ANO9: variants seen among roughly 807,000 people sequenced by gnomAD.
ANO9 encodes the protein anoctamin 9.
ANO9 carries 80 observed loss-of-function variants against 100.5 expected under a neutral mutation model. That is an observed-to-expected ratio of 0.80 (90% confidence interval 0.66 to 0.96). The LOEUF (loss-of-function observed/expected upper bound fraction) is 0.96. Among genes scored for constraint, ANO9 ranks in the 40% least tolerant of loss-of-function variants. ANO9 has a pLI of 0.00. For missense variants in ANO9, 1,064 were observed against 1,072.7 expected (o/e 0.99, Z 0.11); for synonymous variants, 473 against 435.6 (o/e 1.09, Z -1.07).
rs780006061 is a variant in ANO9 at position 430,072 on chromosome 11, A to G, written c.771+11T>C. 1 of 1,549,242 alleles carries G rather than the reference A, an allele frequency of 6.5e-7. No individual in the cohort carries two copies. Among genetic ancestry groups the G allele is most frequent in the South Asian group, 1.2e-5 (1 of 83,942 alleles). On this transcript the variant is annotated intron_variant, in intron 9 of 22. Coordinates refer to ENST00000332826, the MANE Select transcript of ANO9 (RefSeq NM_001012302.3). ...TCCGCAGGCCCTGGGGTGGACCCGG[A>G]GGCGACAAACCTTGGCAAAAGTGCA...
chr11:441,847 T>C, intron 1 of ANO9, 74 bp downstream of exon 1: 2 of 1,554,862 alleles, frequency 1.3e-6, no homozygotes, highest in South Asian at 1.2e-5. Context: ...GGCGGGGGGC[T>C]GGGGCCGGGG....
chr11:433,351 C>A lies in ANO9; in HGVS notation c.313G>T (p.Glu105Ter), dbSNP rs779445613. 1.5e-5 allele frequency: 24 copies of A among 1,612,964 alleles called. No homozygotes were observed. The highest frequency in any genetic ancestry group is 3.3e-5 in the Admixed American group (2 of 59,974). The change falls in exon 4 of 23, where the codon GAG (glutamate) becomes TAG (stop). Residue 105 changes from glutamate to a stop codon, truncating the protein, a stop_gained. Transcript: ENST00000332826. LOFTEE classifies it high-confidence loss of function. ...GGGATGGTGGTCGGCGCGGCCAGCT[C>A]GGCGTGGGGGGCAGGCCCCTCAGGC... ...LEPEGPAPHA[E>*]LAAPTTIPVT... is the part of the protein sequence containing the mutation.
intron 1 of ANO9, among the ~76,000 whole-genome samples, chr11:434,698 C>A (rs1849314300): frequency 6.6e-6 from 1 of 152,224 alleles, no homozygotes; most frequent in African/African-American, 2.4e-5. Context: ...AGGGAGGATC[C>A]TGCAGCAGGC....
chr11:419,769 C>T lies in ANO9; in HGVS notation c.1787-40G>A, dbSNP rs1469948847. On this transcript the variant is annotated intron_variant, in intron 19 of 22. Coordinates refer to ENST00000332826, the MANE Select transcript of ANO9 (RefSeq NM_001012302.3). ...TGGGCAAGCGGTCTGACTCAGCGTC[C>T]CTCGGCTGGTTCTGCCCTCACCCCC... is the stretch of plus-strand genomic sequence containing the variant. 4 of 1,603,036 alleles carry T rather than the reference C, an allele frequency of 2.5e-6. No individual in the cohort carries two copies. The African/African-American group carries it at 4.0e-5, about 16-fold the overall frequency.
At chr11:436,058 C>T (rs1006849936) in intron 1 of ANO9, among the ~76,000 whole-genome samples, 167 of 116,770 alleles carry the variant, frequency 1.4e-3, no homozygotes, top group Middle Eastern at 5.2e-3. Context: ...TTTTTCTTTT[C>T]TTTCCTTTTT....
At chr11:441,771 C>A in intron 1 of ANO9, 150 bp downstream of exon 1, 1 of 1,270,110 alleles carries the variant, frequency 7.9e-7, no homozygotes, top group Non-Finnish European at 1.1e-6. Flanking sequence ...CGGGCGGTCA[C>A]CCTCGCCTGA....
In ANO9 at chr11:419,570, C is replaced by T. The variant is rs779225665; in HGVS notation, c.1934+12G>A. 1 of 1,612,700 alleles carries T rather than the reference C, an allele frequency of 6.2e-7. No individual in the cohort carries two copies. The highest frequency in any genetic ancestry group is 2.2e-5 in the East Asian group (1 of 44,886). On this transcript the variant is annotated intron_variant, in intron 20 of 22. Coordinates refer to ENST00000332826, the MANE Select transcript of ANO9 (RefSeq NM_001012302.3). The stretch of plus-strand genomic sequence containing the variant: ...TTTCTCCCAGGGGTCTCCAGACACC[C>T]TGAGGCCTTACTCGACAGTAGAGTT...
At chr11:439,712 A>G (rs867394367) in intron 1 of ANO9, among the ~76,000 whole-genome samples, 3 of 152,120 alleles carry the variant, frequency 2.0e-5, no homozygotes, top group South Asian at 2.1e-4. Context: ...CCGCAGTCCC[A>G]AGCATGGAGA....
chr11:428,721 C>T lies in ANO9; in HGVS notation c.1020+1G>A, dbSNP rs1181044812. On this transcript the variant is annotated splice_donor_variant, in intron 12 of 22. Transcript: ENST00000332826. LOFTEE classifies it high-confidence loss of function. ...GCCCCACCGCGGTGTCCCCTGCGTA[C>T]CATGAGCAGGGTCAGGACGAGGATG... is the stretch of plus-strand genomic sequence containing the variant. The T allele has an allele frequency of 1.9e-6, 3 of 1,613,160 alleles. No homozygotes were observed. The highest frequency in any genetic ancestry group is 2.5e-6 in the Non-Finnish European group (3 of 1,179,918).
chr11:438,328 G>C (rs542821449), intron 1 of ANO9, among the ~76,000 whole-genome samples: 46 of 150,252 alleles, frequency 3.1e-4, no homozygotes, highest in African/African-American at 1.1e-3. Context: ...AGCCCCCGCC[G>C]ACACACACAG....
At chr11:434,919 G>A (rs988214743) in intron 1 of ANO9, among the ~76,000 whole-genome samples, 2 of 152,162 alleles carry the variant, frequency 1.3e-5, no homozygotes, top group African/African-American at 4.8e-5. Flanking sequence ...CCCTGCACCT[G>A]AGTCCCTCCC....
At position 428,154 on chromosome 11, in the gene ANO9, C is replaced by G. The variant is rs199668517; in HGVS notation, c.1268G>C (p.Arg423Pro). ...GGTGAAGAACTGCAGTGTGAAGAAG[C>G]GGATGGTGAACCTGCTCTCTCGCTC... ...FSERESRFTI[R>P]FFTLQFFTHF... Residue 423 changes from arginine to proline, a missense_variant, in exon 15 of 23, where the codon CGC becomes CCC. Coordinates refer to ENST00000332826, the MANE Select transcript of ANO9 (RefSeq NM_001012302.3). 1 of 1,611,750 alleles carries G rather than the reference C, an allele frequency of 6.2e-7. No individual in the cohort carries two copies. The highest frequency in any genetic ancestry group is 2.2e-5 in the East Asian group (1 of 44,712).
intron 17 of ANO9, 37 bp downstream of exon 17, chr11:420,908 C>T (rs374817464): frequency 1.3e-6 from 2 of 1,595,644 alleles, no homozygotes; most frequent in African/African-American, 2.7e-5. Flanking sequence ...GCGGAGGGGC[C>T]TGGGGCTCCC....
chr11:441,137 G>A (rs1198126983), intron 1 of ANO9, among the ~76,000 whole-genome samples: 2 of 152,196 alleles, frequency 1.3e-5, no homozygotes, highest in African/African-American at 2.4e-5. Context: ...TGGAGCAAGA[G>A]GCCGCCGGCG....
chr11:430,017 CCGCTTCGGGTGGAT>C, intron 9 of ANO9, 52 bp downstream of exon 9: 1 of 1,509,550 alleles, frequency 6.6e-7, no homozygotes, highest in African/African-American at 1.4e-5. Flanking sequence ...TTGATCTCCC[CCGCTTCGGGTGGAT>C]GCACCGTTCC....
At position 430,241 on chromosome 11, in the gene ANO9, C is replaced by T. The variant is rs770022752; in HGVS notation, c.674+28G>A. On this transcript the variant is annotated intron_variant, in intron 8 of 22. Transcript: ENST00000332826. ...CAGGCAGCAGGGCCCACCCCGGCCC[C>T]CCATGCCCGGCCCCTGCTGCGGCCC... 6 of 1,552,986 alleles carry T rather than the reference C, an allele frequency of 3.9e-6. No individual in the cohort carries two copies. The South Asian group carries it at 5.9e-5, about 15-fold the overall frequency.
rs918653695 is a variant in ANO9, at chr11:430,304, C to T, written c.639G>A (p.Leu213=). The T allele has an allele frequency of 3.1e-6, 5 of 1,602,756 alleles. No individual in the cohort carries two copies. The highest frequency in any genetic ancestry group is 4.3e-6 in the Non-Finnish European group (5 of 1,175,608). The change falls in exon 8 of 23, where the codon CTG becomes CTA. Residue 213 remains leucine, a synonymous_variant. Transcript: ENST00000332826. The part of the protein sequence containing the change: ...PAALTGLLVF[L]SGFSLFEASQ... ...TGGCCTCAAACAGCGAGAATCCGCT[C>T]AGAAAGACTAAGAGGCCCGTCAGGG...
intron 11 of ANO9, among the ~76,000 whole-genome samples, 189 bp from the exon 12 acceptor site, chr11:429,015 C>G (rs1848704992): frequency 7.1e-6 from 1 of 140,950 alleles, no homozygotes; most frequent in African/African-American, 2.7e-5. Flanking sequence ...GGTGGACAGA[C>G]ACGGGACACT....
intron 1 of ANO9, among the ~76,000 whole-genome samples, chr11:438,355 C>G (rs1452428037): frequency 6.9e-6 from 1 of 143,936 alleles, no homozygotes; most frequent in Admixed American, 6.9e-5. Flanking sequence ...AGGTGGAGTC[C>G]CCCCAACACA....
Sources: gnomAD v4.1 joint callset for allele counts (sites outside exome capture counted in the v4.1 genomes callset) on GRCh38, gnomAD v4.1.1 for gene constraint, MANE v1.5 for transcripts, NCBI Gene and HGNC (gene_info 2026-07-23, HGNC 2026-07-21) for gene names.